Variants in JHY observed in about 807,000 individuals in gnomAD.
JHY encodes the protein junctional cadherin complex regulator, also known as jhy protein homolog.
A neutral mutation model predicts 78.0 loss-of-function variants in JHY; 69 were observed. That is an observed-to-expected ratio of 0.88 (90% confidence interval 0.73 to 1.08). JHY has a LOEUF of 1.08. Among genes scored for constraint, JHY ranks in the 50% least tolerant of loss-of-function variants. The pLI, the probability that JHY is intolerant of heterozygous loss-of-function variation, is 0.00. For missense variants in JHY, 944 were observed against 927.8 expected, an observed-to-expected ratio of 1.02 and a Z score of -0.23; for synonymous variants, 368 against 342.6, an observed-to-expected ratio of 1.07 and a Z score of -0.82.
chr11:122,953,062 T>C (rs532129575), intron 6 of JHY, among the ~76,000 whole-genome samples: 6 of 152,334 alleles, frequency 3.9e-5, no homozygotes, highest in African/African-American at 9.6e-5. Flanking sequence ...GAAGTGTTAA[T>C]TGATGGCCTT....
chr11:122,944,067 T>G (rs2135369230), intron 5 of JHY, among the ~76,000 whole-genome samples: 1 of 152,090 alleles, frequency 6.6e-6, no homozygotes, highest in African/African-American at 2.4e-5. Flanking sequence ...CATGGTGGGG[T>G]GCACCTGTGG....
At chr11:122,915,029 A>AGGG (rs1403817613) in intron 3 of JHY, among the ~76,000 whole-genome samples, 2 of 152,082 alleles carry the variant, frequency 1.3e-5, no homozygotes, top group Non-Finnish European at 2.9e-5. Flanking sequence ...ATTTGACATT[A>AGGG]TTGAAGAGGG....
Position 122,903,982 on chromosome 11 carries a change from T to G in JHY, c.402T>G (p.Ser134Arg), listed in dbSNP as rs1405270460. ...TCCGCTATGACCCGAACTGGAAGAG[T>G]AAGAAGGAGGAAGGGCAGCTGCTGT... ...SDLRYDPNWK[S>R]KKEEGQLLSV... The change falls in exon 3 of 9, where the codon AGT becomes AGG. Residue 134 changes from serine to arginine, a missense_variant. Transcript: ENST00000227349. 3 of 1,612,542 alleles carry G rather than the reference T, an allele frequency of 1.9e-6. No homozygotes were observed. Among genetic ancestry groups the G allele is most frequent in the African/African-American group, 2.7e-5 (2 of 74,526 alleles).
Position 122,907,797 on chromosome 11 carries a change from C to T in JHY, c.864+3353C>T, listed in dbSNP as rs540300029. ...GCGGTGAGCCGAGATTGCACCATTG[C>T]ACTCCAGCCTGGGCAACAAGAGTGA... On this transcript the variant is annotated intron_variant, in intron 3 of 8. Coordinates refer to ENST00000227349, the MANE Select transcript of JHY (RefSeq NM_024806.4). Among the ~76,000 whole-genome samples the T allele has an allele frequency of 2.3e-3, 333 of 145,602 alleles. 1 individual carries two copies. The highest frequency in any genetic ancestry group is 8.2e-3 in the African/African-American group (321 of 39,178).
intron 6 of JHY, among the ~76,000 whole-genome samples, chr11:122,953,466 G>A (rs1414529118): frequency 2.6e-5 from 4 of 151,934 alleles, no homozygotes; most frequent in Non-Finnish European, 5.9e-5. Context: ...GACAGACATG[G>A]TGGCAGGCGC....
At chr11:122,938,986 C>CAT (rs1863814311) in intron 5 of JHY, among the ~76,000 whole-genome samples, 1 of 133,880 alleles carries the variant, frequency 7.5e-6, no homozygotes, top group Admixed American at 7.5e-5. Context: ...CCTGCTTCTT[C>CAT]TTTTTTTTTT....
intron 3 of JHY, 114 bp downstream of exon 3, chr11:122,904,558 G>C: frequency 8.0e-7 from 1 of 1,249,742 alleles, no homozygotes; most frequent in South Asian, 1.5e-5. Flanking sequence ...CAGCCACCTA[G>C]CTGGGTAAAA....
chr11:122,924,045 T>C (rs540954063), intron 3 of JHY, among the ~76,000 whole-genome samples: 2 of 152,134 alleles, frequency 1.3e-5, no homozygotes, highest in South Asian at 4.2e-4. Flanking sequence ...ACTTTTTAAA[T>C]TTTTTTAAAT....
At chr11:122,893,654 CTCT>C (rs1304250451) in intron 2 of JHY, among the ~76,000 whole-genome samples, 1 of 152,020 alleles carries the variant, frequency 6.6e-6, no homozygotes, top group Non-Finnish European at 1.5e-5. Flanking sequence ...TGACCTTTGC[CTCT>C]TCATTTATTT....
At position 122,934,566 on chromosome 11, in the gene JHY, C is replaced by T; in HGVS notation, c.1125C>T (p.Gly375=). The change falls in exon 5 of 9, where the codon GGC becomes GGT. Residue 375 remains glycine (G), a synonymous_variant. Coordinates refer to ENST00000227349, the MANE Select transcript of JHY (RefSeq NM_024806.4). ...KIRKQCKHQN[G]LKSSTTEEVT... ...GAAAGCAGTGTAAACACCAGAATGGCCTGAAGTCTTCCACAACGGAAGAGG... is the reference window on the plus strand; with the variant it reads ...GAAAGCAGTGTAAACACCAGAATGGTCTGAAGTCTTCCACAACGGAAGAGG... The T allele has an allele frequency of 1.9e-6, 3 of 1,614,042 alleles. No individual in the cohort carries two copies. Among genetic ancestry groups the T allele is most frequent in the Non-Finnish European group, 2.5e-6 (3 of 1,180,014 alleles).
intron 4 of JHY, among the ~76,000 whole-genome samples, chr11:122,927,871 C>T (rs1447205023): frequency 6.6e-6 from 1 of 151,862 alleles, no homozygotes; most frequent in East Asian, 1.9e-4. Flanking sequence ...GCTGGGATTA[C>T]AGGCACCCAC....
intron 3 of JHY, chr11:122,905,193 C>T (rs1019410048): frequency 6.2e-7 from 1 of 1,614,012 alleles, no homozygotes; most frequent in African/African-American, 1.3e-5. Flanking sequence ...AGTAAATTCT[C>T]TCCCACGTGA....
intron 3 of JHY, among the ~76,000 whole-genome samples, chr11:122,907,501 A>C (rs929390763): frequency 3.3e-5 from 5 of 152,146 alleles, no homozygotes; most frequent in Non-Finnish European, 5.9e-5. Flanking sequence ...TTTCTAGAGC[A>C]GTAGTTTGCT....
rs1287352979 is a variant in JHY at position 122,883,580 on chromosome 11, A to G, written c.-90+608A>G. Among the ~76,000 whole-genome samples, 1 of 149,100 alleles carries G rather than the reference A, an allele frequency of 6.7e-6. No individual in the cohort carries two copies. Among genetic ancestry groups the G allele is most frequent in the Non-Finnish European group, 1.5e-5 (1 of 67,528 alleles). On this transcript the variant is annotated intron_variant, in intron 1 of 8. Coordinates refer to ENST00000227349, the MANE Select transcript of JHY (RefSeq NM_024806.4). This position sits in a 1 kb window ranked among gnomAD's most constrained non-coding sequence, Gnocchi z 4.4. ...TCTCTTGGTCAGAAATTTCAGCGGCACAACCTTTTTTTTTTTTCACTGGAC... is the reference window on the plus strand; with the variant it reads ...TCTCTTGGTCAGAAATTTCAGCGGCGCAACCTTTTTTTTTTTTCACTGGAC...
At chr11:122,934,361 T>G in intron 4 of JHY, 59 bp from the exon 5 acceptor site, 1 of 852,346 alleles carries the variant, frequency 1.2e-6, no homozygotes. Flanking sequence ...AATAATAAAA[T>G]AAAATTTGTG....
intron 7 of JHY, 120 bp downstream of exon 7, chr11:122,956,696 G>T: frequency 2.9e-6 from 2 of 696,032 alleles, no homozygotes; most frequent in South Asian, 2.4e-5. Flanking sequence ...TCTGAATAGA[G>T]ACCTTCTGAA....
chr11:122,942,096 TC>T (rs1246103585), intron 5 of JHY, among the ~76,000 whole-genome samples: 1 of 152,126 alleles, frequency 6.6e-6, no homozygotes, highest in Non-Finnish European at 1.5e-5. Flanking sequence ...GGTCTCGAAC[TC>T]CTGACCTCTG....
chr11:122,900,124 G>T (rs564975639), intron 2 of JHY, among the ~76,000 whole-genome samples: 2 of 152,286 alleles, frequency 1.3e-5, no homozygotes, highest in Admixed American at 1.3e-4. Context: ...TGAAGAAGAG[G>T]AGCATCTCTC....
chr11:122,959,619 T>C lies in JHY; in HGVS notation c.*174T>C. 1 of 613,820 alleles carries C rather than the reference T, an allele frequency of 1.6e-6. No homozygotes were observed. The highest frequency in any genetic ancestry group is 4.1e-4 in the Middle Eastern group (1 of 2,466). The allele number at this position is 613,820 out of a possible 1,614,324, so 38.0% of individuals were successfully genotyped here. ...GAGGCCCAATTGGATTATGGTGCCA[T>C]ATTTTACTTTCTAGGAAGAAAATTT... On this transcript the variant is annotated 3_prime_UTR_variant, in exon 9 of 9. Transcript: ENST00000227349.
Sources: allele counts gnomAD v4.1 joint callset (sites outside exome capture counted in the v4.1 genomes callset), GRCh38; gene constraint gnomAD v4.1.1; non-coding constraint Gnocchi (gnomAD v3.1); transcripts MANE v1.5; gene names NCBI Gene and HGNC (gene_info 2026-07-23, HGNC 2026-07-21).